EPB41L2: variants seen among roughly 807,000 people sequenced by gnomAD.
The protein encoded by EPB41L2 is erythrocyte membrane protein band 4.1 like 2.
In EPB41L2, 43 loss-of-function variants were observed where a neutral mutation model predicts 113.0. That is an observed-to-expected ratio of 0.38 (90% CI 0.30 to 0.49). The LOEUF (loss-of-function observed/expected upper bound fraction) is 0.49. Ranked by LOEUF, EPB41L2 falls within the 20% of genes least tolerant of loss-of-function variation. The pLI, the probability that EPB41L2 is intolerant of heterozygous loss-of-function variation, is 0.95. For synonymous variants in EPB41L2, 442 were observed against 436.7 expected, an observed-to-expected ratio of 1.01 and a Z score of -0.15; for missense variants, 1,147 against 1,223.4, an observed-to-expected ratio of 0.94 and a Z score of 0.93.
chr6:130,873,481 T>TTTTTA (rs1582935059), intron 14 of EPB41L2, among the ~76,000 whole-genome samples: 1 of 151,688 alleles, frequency 6.6e-6, no homozygotes, highest in African/African-American at 2.4e-5. Flanking sequence ...TTTTTTTTTT[T>TTTTTA]GAGACGGAGT....
At chr6:131,036,387 AAG>A (rs753983959) in intron 1 of EPB41L2, among the ~76,000 whole-genome samples, 20 of 152,322 alleles carry the variant, frequency 1.3e-4, no homozygotes, top group South Asian at 2.1e-4. Context: ...GTTACTGAGC[AAG>A]AGAGTGGCAT....
chr6:130,893,641 A>G lies in EPB41L2; in HGVS notation c.1487+703T>C, dbSNP rs118122340. On this transcript the variant is annotated intron_variant, in intron 10 of 19. Coordinates refer to ENST00000337057, the MANE Select transcript of EPB41L2 (RefSeq NM_001431.4). ...TGTGCTATTTTTTGTTATATAGAGT[A>G]ACTGCATGTGTCACAATGGTTGTAC... Among the ~76,000 whole-genome samples, 1,079 of 152,298 alleles carry G rather than the reference A, an allele frequency of 7.1e-3. 12 individuals are homozygous for G. The highest frequency in any genetic ancestry group is 0.027 in the Middle Eastern group (8 of 294).
chr6:131,019,584 A>C (rs935891845), intron 1 of EPB41L2, among the ~76,000 whole-genome samples: 6 of 152,184 alleles, frequency 3.9e-5, no homozygotes, highest in Non-Finnish European at 8.8e-5. Context: ...TGCATTCCTA[A>C]ATTAGTTAGC....
intron 18 of EPB41L2, among the ~76,000 whole-genome samples, chr6:130,862,365 AT>A (rs1024493576): frequency 6.6e-6 from 1 of 152,220 alleles, no homozygotes; most frequent in Non-Finnish European, 1.5e-5. Context: ...ATGCCAAAAA[AT>A]GTGAGCTTGT....
chr6:130,971,533 G>A (rs1437294593), intron 1 of EPB41L2, among the ~76,000 whole-genome samples: 1 of 152,218 alleles, frequency 6.6e-6, no homozygotes, highest in East Asian at 1.9e-4. Context: ...TCACCAAGCC[G>A]GCTACTAAGT....
intron 3 of EPB41L2, among the ~76,000 whole-genome samples, chr6:130,929,902 C>CACACACACACAT (rs1307195800): frequency 1.3e-5 from 2 of 148,416 alleles, no homozygotes; most frequent in African/African-American, 5.0e-5. Context: ...CACACATACA[C>CACACACACACAT]GCACAGTCAT....
intron 4 of EPB41L2, 39 bp from the exon 5 acceptor site, chr6:130,908,902 T>C (rs762958441): frequency 4.1e-6 from 6 of 1,479,818 alleles, no homozygotes; most frequent in Admixed American, 3.6e-5. Context: ...AGAAATATTC[T>C]AGAGTCTAAA....
chr6:131,003,106 TA>T (rs956078443), intron 1 of EPB41L2, among the ~76,000 whole-genome samples: 2 of 151,950 alleles, frequency 1.3e-5, no homozygotes, highest in African/African-American at 4.8e-5. Context: ...TATCTCTTTT[TA>T]AGTGTCACTT....
At chr6:130,842,628 T>C (rs1775869972) in intron 19 of EPB41L2, among the ~76,000 whole-genome samples, 1 of 152,296 alleles carries the variant, frequency 6.6e-6, no homozygotes, top group African/African-American at 2.4e-5. Context: ...CTCTAGGCCC[T>C]ATGTCACTTT....
intron 10 of EPB41L2, 21 bp from the exon 11 acceptor site, chr6:130,890,487 AAAAAG>A (rs1792478547): frequency 1.3e-6 from 2 of 1,577,178 alleles, no homozygotes; most frequent in Admixed American, 2.0e-5. Flanking sequence ...AAAAAAAAAA[AAAAAG>A]AGAGAGAGAA....
intron 1 of EPB41L2, among the ~76,000 whole-genome samples, chr6:130,999,779 A>C (rs1014729789): frequency 3.9e-5 from 6 of 152,216 alleles, no homozygotes; most frequent in Non-Finnish European, 8.8e-5. Context: ...ACCCAAGAAA[A>C]TAACTTAGCC....
intron 1 of EPB41L2, among the ~76,000 whole-genome samples, 193 bp downstream of exon 1, chr6:131,062,962 C>T (rs1203290729): frequency 2.0e-5 from 3 of 152,096 alleles, no homozygotes; most frequent in African/African-American, 7.2e-5. Flanking sequence ...AGAGAGGGAG[C>T]CGCAGAAAAT....
At chr6:130,869,098 G>A (rs2128446285) in intron 15 of EPB41L2, among the ~76,000 whole-genome samples, 1 of 152,232 alleles carries the variant, frequency 6.6e-6, no homozygotes, top group South Asian at 2.1e-4. Context: ...CTCTGAAGCT[G>A]AAGAATGAGC....
intron 3 of EPB41L2, among the ~76,000 whole-genome samples, chr6:130,940,525 G>T (rs1490501094): frequency 6.6e-6 from 1 of 151,426 alleles, no homozygotes; most frequent in Non-Finnish European, 1.5e-5. Flanking sequence ...CACTGCAGTG[G>T]CATGATCCTG....
chr6:131,047,418 T>C (rs1029861694), intron 1 of EPB41L2, among the ~76,000 whole-genome samples: 1 of 152,180 alleles, frequency 6.6e-6, no homozygotes, highest in Non-Finnish European at 1.5e-5. Context: ...CAAAACATGG[T>C]GCTTATTGTT....
intron 6 of EPB41L2, among the ~76,000 whole-genome samples, chr6:130,901,901 A>G (rs1388343251): frequency 6.6e-6 from 1 of 152,260 alleles, no homozygotes; most frequent in Non-Finnish European, 1.5e-5. Flanking sequence ...AATAACTAGT[A>G]GCTATAATAA....
At chr6:130,875,517 G>A (rs369788187) in intron 14 of EPB41L2, among the ~76,000 whole-genome samples, 3 of 151,656 alleles carry the variant, frequency 2.0e-5, no homozygotes, top group Non-Finnish European at 3.0e-5. Flanking sequence ...GTTGTGGCTC[G>A]TCCTTACACG....
Position 130,867,481 on chromosome 6 carries a change from G to A in EPB41L2, c.2708C>T (p.Thr903Ile). The change falls in exon 16 of 20, where the codon ACC becomes ATC. Residue 903 changes from threonine to isoleucine, a missense_variant. Physicochemically the swap from Thr to Ile is moderately conservative, Grantham distance 89. Transcript: ENST00000337057. ...EVPIVQTETK[T>I]ITYESPQIDG... ...TACCTGTGGAGACTCATATGTGATG[G>A]TTTTGGTCTCAGTTTGGACAATGGG... 6.2e-7 allele frequency: 1 copy of A among 1,613,968 alleles called. No individual in the cohort carries two copies. The highest frequency in any genetic ancestry group is 8.5e-7 in the Non-Finnish European group (1 of 1,179,890).
At chr6:131,053,111 GTCTCAA>G in intron 1 of EPB41L2, among the ~76,000 whole-genome samples, 1 of 152,056 alleles carries the variant, frequency 6.6e-6, no homozygotes, top group Non-Finnish European at 1.5e-5. Context: ...GGCTAGGCTG[GTCTCAA>G]ACTCCTGACC....
Sources: allele counts gnomAD v4.1 joint callset (sites outside exome capture counted in the v4.1 genomes callset), GRCh38; gene constraint gnomAD v4.1.1; transcripts MANE v1.5; gene names NCBI Gene and HGNC (gene_info 2026-07-23, HGNC 2026-07-21).